The following FBXL20 variants were observed in gnomAD, a reference collection of about 807,000 sequenced individuals.
FBXL20 encodes F-box/LRR-repeat protein 20.
FBXL20 carries 11 observed loss-of-function variants against 64.0 expected under a neutral mutation model. That is an observed-to-expected ratio of 0.17 (90% CI 0.11 to 0.28). The LOEUF is 0.28. Ranked by LOEUF, FBXL20 falls within the 10% of genes least tolerant of loss-of-function variation. The probability of loss-of-function intolerance (pLI) is 1.00; values close to 1 mark genes in which losing one functional copy is unlikely to be tolerated. For missense variants in FBXL20, 303 were observed against 526.2 expected (o/e 0.58, Z 4.15); for synonymous variants, 184 against 189.0 (o/e 0.97, Z 0.22).
At chr17:39,305,122 G>A (rs1302406851) in intron 2 of FBXL20, among the ~76,000 whole-genome samples, 1 of 151,426 alleles carries the variant, frequency 6.6e-6, no homozygotes, top group Non-Finnish European at 1.5e-5. Flanking sequence ...ATTTAATAAA[G>A]CCTAAAAAAC....
At position 39,303,509 on chromosome 17, in the gene FBXL20, T is replaced by C. The variant is rs988945601; in HGVS notation, c.159+76A>G. ...ACATACAAGTAACACCTAAAATAAA[T>C]GGATGGCCTATGAAAGAGGCTGTTA... On this transcript the variant is annotated intron_variant, in intron 3 of 14. Transcript: ENST00000264658. 7.5e-6 allele frequency: 9 copies of C among 1,202,952 alleles called. No homozygotes were observed. In the Admixed American group the frequency reaches 1.8e-4, roughly 24 times the overall value. The allele number at this position is 1,202,952 out of a possible 1,614,324, so 74.5% of individuals were successfully genotyped here.
At chr17:39,275,653 G>T (rs1816426074) in intron 9 of FBXL20, among the ~76,000 whole-genome samples, 1 of 151,576 alleles carries the variant, frequency 6.6e-6, no homozygotes, top group East Asian at 1.9e-4. Context: ...CAAGTGATCT[G>T]CCCACCTCAG....
intron 2 of FBXL20, among the ~76,000 whole-genome samples, chr17:39,311,533 G>C (rs2047235434): frequency 6.6e-6 from 1 of 152,002 alleles, no homozygotes; most frequent in African/African-American, 2.4e-5. Flanking sequence ...CTACCACCCT[G>C]ATGGTTCTCC....
chr17:39,306,480 A>C (rs2047184512), intron 2 of FBXL20, among the ~76,000 whole-genome samples: 1 of 152,170 alleles, frequency 6.6e-6, no homozygotes, highest in African/African-American at 2.4e-5. Flanking sequence ...TCTTAGATAT[A>C]GGTCTTTGCA....
chr17:39,373,559 CT>C (rs2047938222), intron 1 of FBXL20, among the ~76,000 whole-genome samples: 2 of 152,304 alleles, frequency 1.3e-5, no homozygotes, highest in South Asian at 4.1e-4. Context: ...CTCCATTTGT[CT>C]AGAAATTCTG....
At chr17:39,333,714 G>A (rs1473639096) in intron 2 of FBXL20, among the ~76,000 whole-genome samples, 20 of 149,360 alleles carry the variant, frequency 1.3e-4, no homozygotes, top group East Asian at 6.0e-4. Flanking sequence ...GTCTCTGCCC[G>A]GCCGCCCATC....
chr17:39,335,250 G>A (rs1385175073), intron 2 of FBXL20, among the ~76,000 whole-genome samples: 1 of 151,436 alleles, frequency 6.6e-6, no homozygotes, highest in Non-Finnish European at 1.5e-5. Context: ...CCCCTGCACA[G>A]ATCTACCCCC....
At chr17:39,300,867 C>A (rs1280691071) in intron 4 of FBXL20, 134 bp downstream of exon 4, 6 of 746,890 alleles carry the variant, frequency 8.0e-6, no homozygotes, top group Non-Finnish European at 1.0e-5. Flanking sequence ...TTTGGGGGTT[C>A]CTGTAAAGTT....
At chr17:39,375,219 G>A (rs140030550) in intron 1 of FBXL20, among the ~76,000 whole-genome samples, 646 of 151,402 alleles carry the variant, frequency 4.3e-3, no homozygotes, top group Middle Eastern at 0.014. Flanking sequence ...TAGTTGTTGC[G>A]GCCATCTTCT....
intron 6 of FBXL20, among the ~76,000 whole-genome samples, chr17:39,289,998 C>CACA (rs2047023610): frequency 2.4e-5 from 1 of 41,840 alleles, no homozygotes; most frequent in Non-Finnish European, 4.9e-5. Flanking sequence ...GACTCAGTCT[C>CACA]AAAAAAAAAA....
intron 4 of FBXL20, among the ~76,000 whole-genome samples, chr17:39,300,043 G>C (rs1165558445): frequency 6.6e-6 from 1 of 150,814 alleles, no homozygotes; most frequent in Non-Finnish European, 1.5e-5. Flanking sequence ...GTTGCAGTGA[G>C]CTGAGACCGC....
chr17:39,352,170 A>G (rs1166307742), intron 1 of FBXL20, among the ~76,000 whole-genome samples: 2 of 152,200 alleles, frequency 1.3e-5, no homozygotes, highest in African/African-American at 2.4e-5. Context: ...ACAGGACCCA[A>G]GAAACCACTT....
intron 2 of FBXL20, among the ~76,000 whole-genome samples, chr17:39,310,059 G>A (rs532848511): frequency 1.3e-5 from 2 of 151,334 alleles, no homozygotes; most frequent in South Asian, 2.1e-4. Flanking sequence ...AGGCTGAGGC[G>A]GGAGGATTGT....
chr17:39,306,818 G>T (rs1324178564), intron 2 of FBXL20, among the ~76,000 whole-genome samples: 1 of 152,130 alleles, frequency 6.6e-6, no homozygotes, highest in East Asian at 1.9e-4. Flanking sequence ...CAACTGTAGA[G>T]GCCCATGTAA....
chr17:39,372,684 C>T (rs1391063667), intron 1 of FBXL20, among the ~76,000 whole-genome samples: 1 of 147,730 alleles, frequency 6.8e-6, no homozygotes, highest in South Asian at 2.2e-4. Flanking sequence ...GGTGCAATCT[C>T]GGCTCACTGC....
In FBXL20 at chr17:39,281,487, A is replaced by C. The variant is rs777810979; in HGVS notation, c.622-24T>G. On this transcript the variant is annotated intron_variant, in intron 8 of 14. Transcript: ENST00000264658. ...AGCTAGAAAGATTAAAAAGTAAGAAAAAAATGATTATTGACATTGTCTCAA... is the reference window on the plus strand; with the variant it reads ...AGCTAGAAAGATTAAAAAGTAAGAACAAAATGATTATTGACATTGTCTCAA... 9 of 1,581,136 alleles carry C rather than the reference A, an allele frequency of 5.7e-6. 1 individual carries two copies. In the South Asian group the frequency reaches 1.0e-4, roughly 18 times the overall value.
intron 1 of FBXL20, 132 bp downstream of exon 1, chr17:39,401,229 G>A: frequency 6.5e-7 from 1 of 1,542,952 alleles, no homozygotes; most frequent in Non-Finnish European, 8.7e-7. Flanking sequence ...AAAGGGGAGC[G>A]GAGTCTGGCA....
chr17:39,322,426 T>C (rs949316334), intron 2 of FBXL20, among the ~76,000 whole-genome samples: 1 of 152,138 alleles, frequency 6.6e-6, no homozygotes, highest in African/African-American at 2.4e-5. Context: ...CTAAGGTGAA[T>C]ACATAAACTG....
rs529406292 is a variant in FBXL20 at position 39,394,278 on chromosome 17, C to CTTTT, written c.42+7079_42+7082dup. 2.9e-4 allele frequency among the ~76,000 whole-genome samples: 39 copies of CTTTT among 134,306 alleles called. 1 individual carries two copies. Among genetic ancestry groups the CTTTT allele is most frequent in the African/African-American group, 1.0e-3 (37 of 35,598 alleles). 88.1% of individuals were successfully genotyped at this position (134,306 alleles called of 152,430 possible). ...CACAGTACTAGTTAGATTACTGAAA[C>CTTTT]TTTTTTTTTTTTTTTTTTGAGACAG... is the stretch of plus-strand genomic sequence containing the variant. On this transcript the variant is annotated intron_variant, in intron 1 of 14. Transcript: ENST00000264658.
Sources: gnomAD v4.1 joint callset for allele counts (sites outside exome capture counted in the v4.1 genomes callset) on GRCh38, gnomAD v4.1.1 for gene constraint, MANE v1.5 for transcripts, NCBI Gene and HGNC (gene_info 2026-07-23, HGNC 2026-07-21) for gene names.